Variants in FRMD4A observed in about 807,000 individuals in gnomAD.
FRMD4A encodes FERM domain-containing protein 4A.
Under a neutral mutation model 129.1 loss-of-function variants are expected in FRMD4A, and 29 were observed. The ratio of observed to expected loss-of-function variants is 0.22; its 90% CI spans 0.17 to 0.31. The LOEUF (loss-of-function observed/expected upper bound fraction) is 0.31. Among genes scored for constraint, FRMD4A ranks in the 10% least tolerant of loss-of-function variants. FRMD4A has a pLI of 1.00. For synonymous variants in FRMD4A, 634 were observed against 571.6 expected (o/e 1.11, Z -1.56); for missense variants, 1,272 against 1,375.8 (o/e 0.92, Z 1.19).
chr10:13,974,119 T>C (rs1225197237), intron 2 of FRMD4A, among the ~76,000 whole-genome samples: 1 of 150,786 alleles, frequency 6.6e-6, no homozygotes, highest in Admixed American at 6.7e-5. Context: ...GCTCCACCTC[T>C]GGATAGGGAC....
At chr10:14,034,757 G>T (rs1014547455) in intron 2 of FRMD4A, among the ~76,000 whole-genome samples, 1 of 152,186 alleles carries the variant, frequency 6.6e-6, no homozygotes, top group Admixed American at 6.5e-5. Flanking sequence ...CAATGGCAGT[G>T]CTGTGCCTGA....
intron 2 of FRMD4A, among the ~76,000 whole-genome samples, chr10:14,153,329 T>G (rs1277881133): frequency 6.6e-6 from 1 of 152,232 alleles, no homozygotes; most frequent in African/African-American, 2.4e-5. Flanking sequence ...GCCTTCTGCA[T>G]GATTTTTCTG....
intron 2 of FRMD4A, among the ~76,000 whole-genome samples, chr10:14,170,185 T>C (rs1340900056): frequency 6.6e-6 from 1 of 152,214 alleles, no homozygotes; most frequent in Non-Finnish European, 1.5e-5. Flanking sequence ...ATTTCAGAAT[T>C]TTGACATCTT....
At chr10:14,057,659 C>T (rs1834604193) in intron 2 of FRMD4A, among the ~76,000 whole-genome samples, 1 of 152,176 alleles carries the variant, frequency 6.6e-6, no homozygotes, top group African/African-American at 2.4e-5. Flanking sequence ...CAACCTCCGC[C>T]TCCTGGGTTC....
intron 2 of FRMD4A, among the ~76,000 whole-genome samples, chr10:13,946,125 G>T (rs2095329658): frequency 6.6e-6 from 1 of 152,212 alleles, no homozygotes; most frequent in Non-Finnish European, 1.5e-5. Flanking sequence ...GGATGCCACT[G>T]GTTTATGTCC....
At chr10:14,294,423 T>A (rs1432497025) in intron 2 of FRMD4A, among the ~76,000 whole-genome samples, 1 of 152,156 alleles carries the variant, frequency 6.6e-6, no homozygotes, top group Non-Finnish European at 1.5e-5. Context: ...ATAGATACAA[T>A]AATAAGGCCA....
chr10:13,768,104 G>C (rs938513597), intron 6 of FRMD4A, among the ~76,000 whole-genome samples: 1 of 152,230 alleles, frequency 6.6e-6, no homozygotes, highest in South Asian at 2.1e-4. Flanking sequence ...GTGTGTGTGC[G>C]AACGTGCTCT....
intron 2 of FRMD4A, among the ~76,000 whole-genome samples, chr10:13,893,006 G>A (rs534692533): frequency 8.5e-5 from 13 of 152,156 alleles, no homozygotes; most frequent in Non-Finnish European, 1.2e-4. Flanking sequence ...AAAGTTGAAC[G>A]CTGGTGTTAA....
At chr10:14,247,801 T>C (rs1414864444) in intron 2 of FRMD4A, among the ~76,000 whole-genome samples, 3 of 152,208 alleles carry the variant, frequency 2.0e-5, no homozygotes, top group Non-Finnish European at 4.4e-5. Flanking sequence ...GTCCTCTGCT[T>C]AAATTGAGTG....
intron 2 of FRMD4A, among the ~76,000 whole-genome samples, chr10:14,318,318 T>TC (rs68111117): frequency 1.4e-4 from 20 of 145,990 alleles, no homozygotes; most frequent in South Asian, 6.6e-4. Context: ...CCAAGCTATA[T>TC]CCCCCCCCAC....
intron 4 of FRMD4A, among the ~76,000 whole-genome samples, chr10:13,802,964 A>G (rs1424818041): frequency 6.6e-6 from 1 of 152,180 alleles, no homozygotes; most frequent in Non-Finnish European, 1.5e-5. Flanking sequence ...CCTGGCTAAC[A>G]TGGTGAAACC....
intron 19 of FRMD4A, among the ~76,000 whole-genome samples, chr10:13,661,389 T>C (rs896386889): frequency 2.0e-5 from 3 of 151,850 alleles, no homozygotes; most frequent in Non-Finnish European, 1.5e-5. Flanking sequence ...AACCAAAGTG[T>C]GGAGGCCCTG....
chr10:13,992,054 T>C (rs1411998517), intron 2 of FRMD4A: 1 of 152,198 alleles, frequency 6.6e-6, no homozygotes, highest in Non-Finnish European at 1.5e-5. Flanking sequence ...GAGTGGAATA[T>C]ATAAAAAGCA....
chr10:14,184,522 A>G (rs983832513), intron 2 of FRMD4A, among the ~76,000 whole-genome samples: 4 of 152,148 alleles, frequency 2.6e-5, no homozygotes, highest in Admixed American at 2.6e-4. Context: ...TACTTCTCCA[A>G]TGTTAAAAAA....
chr10:14,221,297 G>T (rs923375097), intron 2 of FRMD4A, among the ~76,000 whole-genome samples: 2 of 152,200 alleles, frequency 1.3e-5, no homozygotes, highest in African/African-American at 4.8e-5. Context: ...AGGGATAACT[G>T]CTCCATCTGT....
At chr10:14,051,581 G>C (rs904131961) in intron 2 of FRMD4A, among the ~76,000 whole-genome samples, 6 of 152,242 alleles carry the variant, frequency 3.9e-5, no homozygotes, top group African/African-American at 1.4e-4. Flanking sequence ...ACAGAGAAGA[G>C]CTGCTTCCCT....
chr10:13,885,762 T>C (rs2094611614), intron 2 of FRMD4A, among the ~76,000 whole-genome samples: 1 of 152,188 alleles, frequency 6.6e-6, no homozygotes. Flanking sequence ...ACCTGCAGGC[T>C]ACATCTGTGC....
At chr10:14,129,215 T>C (rs1297139580) in intron 2 of FRMD4A, among the ~76,000 whole-genome samples, 3 of 151,718 alleles carry the variant, frequency 2.0e-5, no homozygotes, top group African/African-American at 7.3e-5. Context: ...GATAGTGAAG[T>C]ACCTTATTAC....
At chr10:13,863,987 T>C (rs2094329840) in intron 2 of FRMD4A, among the ~76,000 whole-genome samples, 1 of 152,090 alleles carries the variant, frequency 6.6e-6, no homozygotes, top group African/African-American at 2.4e-5. Flanking sequence ...TCTCTCTCTC[T>C]CTTTCTTTCT....
Sources: allele counts gnomAD v4.1 joint callset (sites outside exome capture counted in the v4.1 genomes callset), GRCh38; gene constraint gnomAD v4.1.1; transcripts MANE v1.5; gene names NCBI Gene and HGNC (gene_info 2026-07-23, HGNC 2026-07-21).